The following ADAMTS10 variants were observed in gnomAD, a reference collection of about 807,000 sequenced individuals.
ADAMTS10 encodes the protein A disintegrin and metalloproteinase with thrombospondin motifs 10.
A neutral mutation model predicts 135.9 loss-of-function variants in ADAMTS10; 48 were observed. The observed-to-expected ratio is 0.35, with a 90% confidence interval of 0.28 to 0.45. The LOEUF (loss-of-function observed/expected upper bound fraction) is 0.45, where lower values mean the gene tolerates loss of function less well. Among genes scored for constraint, ADAMTS10 ranks in the 20% least tolerant of loss-of-function variants. ADAMTS10 has a pLI of 1.00. For missense variants in ADAMTS10, 1,131 were observed against 1,565.2 expected (o/e 0.72, Z 4.68); for synonymous variants, 621 against 647.5 (o/e 0.96, Z 0.62).
At chr19:8,591,505 G>C (rs1474103990) in intron 15 of ADAMTS10, among the ~76,000 whole-genome samples, 1 of 150,822 alleles carries the variant, frequency 6.6e-6, no homozygotes, top group African/African-American at 2.4e-5. Flanking sequence ...GCAGTGGTGC[G>C]ATCTCGGCTC....
In ADAMTS10 at chr19:8,605,026, T is replaced by C. The variant is rs934523427; in HGVS notation, c.421A>G (p.Thr141Ala). The change falls in exon 4 of 26, where the codon ACC becomes GCC. Residue 141 changes from threonine to alanine, a missense_variant. By Grantham distance (58) the Thr-to-Ala change is moderately conservative. Coordinates refer to ENST00000597188, the MANE Select transcript of ADAMTS10 (RefSeq NM_030957.4). The surrounding 1 kb of genome is among the most constrained non-coding windows in gnomAD (Gnocchi z 7.7). Reference sequence around the variant, plus strand: ...CCTCAGCTCACCAGGCCTCCACAGGTGCTGATGGCCACATGGGAGCTGCTG... The same window carrying C: ...CCTCAGCTCACCAGGCCTCCACAGGCGCTGATGGCCACATGGGAGCTGCTG... Reference protein sequence around the residue: ...QASSSHVAISTCGGLHGLIVA... With the variant: ...QASSSHVAISACGGLHGLIVA... The C allele has an allele frequency of 6.2e-7, 1 of 1,606,552 alleles. No individual in the cohort carries two copies. The highest frequency in any genetic ancestry group is 1.3e-5 in the African/African-American group (1 of 74,702).
rs782152991 is a variant in ADAMTS10, at chr19:8,604,966, C to T, written c.435+46G>A. 5.2e-6 allele frequency: 8 copies of T among 1,542,946 alleles called. No individual in the cohort carries two copies. In the Admixed American group the frequency reaches 7.8e-5, roughly 15 times the overall value. Reference sequence around the variant, plus strand: ...ATGTAGAAGTGTTTTTCTTAACTTCCAAACTTATGGGCATTTCCCCCCGCG... The same window carrying T: ...ATGTAGAAGTGTTTTTCTTAACTTCTAAACTTATGGGCATTTCCCCCCGCG... On this transcript the variant is annotated intron_variant, in intron 4 of 25. Transcript: ENST00000597188.
chr19:8,597,641 T>C (rs762334625), intron 6 of ADAMTS10, among the ~76,000 whole-genome samples: 1 of 150,656 alleles, frequency 6.6e-6, no homozygotes, highest in Non-Finnish European at 1.5e-5. Flanking sequence ...TTGTTACTAT[T>C]TGTTGTTGTT....
rs1027851957 is a variant in ADAMTS10, at chr19:8,584,829, C to T, written c.3202+66G>A. ...AGTTCTAGGATGAAGTCAGGACCCC[C>T]AATGCCCTCTGTGGCTGCCTCTGGC... On this transcript the variant is annotated intron_variant, in intron 25 of 25. Coordinates refer to ENST00000597188, the MANE Select transcript of ADAMTS10 (RefSeq NM_030957.4). The T allele has an allele frequency of 1.2e-5, 18 of 1,540,886 alleles. No individual in the cohort carries two copies. The African/African-American group carries it at 2.3e-4, about 20-fold the overall frequency.
rs1555736467 is a variant in ADAMTS10, at chr19:8,585,013, C to T, written c.3084G>A (p.Val1028=). Reference sequence around the variant, plus strand: ...CCTGGCCCGTGTGGCTGGTGCAGCGCACCGAGCGCTGCCGCTGCCCGACGC... The same window carrying T: ...CCTGGCCCGTGTGGCTGGTGCAGCGTACCGAGCGCTGCCGCTGCCCGACGC... ...QCGVGQRQRS[V]RCTSHTGQAS... is the part of the protein sequence containing the mutation. Residue 1028 remains valine (V), a synonymous_variant, in exon 25 of 26, where the codon GTG becomes GTA. Coordinates refer to ENST00000597188, the MANE Select transcript of ADAMTS10 (RefSeq NM_030957.4). 4.6e-6 allele frequency: 7 copies of T among 1,538,024 alleles called. No homozygotes were observed. Among genetic ancestry groups the T allele is most frequent in the African/African-American group, 1.4e-5 (1 of 72,834 alleles).
chr19:8,603,942 CCCTGGG>C, intron 4 of ADAMTS10, 58 bp from the exon 5 acceptor site: 1 of 1,511,430 alleles, frequency 6.6e-7, no homozygotes, highest in Non-Finnish European at 8.9e-7. Flanking sequence ...AGCTTAGGAC[CCCTGGG>C]ACCTTCTCTC....
At chr19:8,607,221 A>T (rs1348129229) in intron 2 of ADAMTS10, among the ~76,000 whole-genome samples, 1 of 152,152 alleles carries the variant, frequency 6.6e-6, no homozygotes, top group African/African-American at 2.4e-5. Context: ...TTCAAGCCAG[A>T]TTTTTAAAGC....
rs1555738079 is a variant in ADAMTS10 at position 8,589,248 on chromosome 19, C to T, written c.2152G>A (p.Gly718Arg). 1 of 1,612,728 alleles carries T rather than the reference C, an allele frequency of 6.2e-7. No homozygotes were observed. The highest frequency in any genetic ancestry group is 8.5e-7 in the Non-Finnish European group (1 of 1,179,980). Residue 718 changes from glycine (G) to arginine (R), a missense_variant, in exon 18 of 26, where the codon GGG (glycine) becomes AGG (arginine). This residue lies in a region of ADAMTS10 where 745 missense variants were observed against 1,056.3 expected (regional missense o/e 0.71). Coordinates refer to ENST00000597188, the MANE Select transcript of ADAMTS10 (RefSeq NM_030957.4). ...GGAAGCTGGAGACTCTCACCGGCCC[C>T]AGGTGAGGCTGGGCTGAAGACGCCC... ...IEGVFSPASPGAGYEDVVWIP... is the reference protein window; with the variant it reads ...IEGVFSPASPRAGYEDVVWIP...
intron 6 of ADAMTS10, among the ~76,000 whole-genome samples, chr19:8,600,500 C>CTTTTT (rs797035354): frequency 1.2e-4 from 15 of 129,826 alleles, no homozygotes; most frequent in Non-Finnish European, 2.3e-4. Context: ...TCTTTCTTTT[C>CTTTTT]TTTTTTTTTT....
chr19:8,581,828 CTG>C (rs1242995198), intron 25 of ADAMTS10, among the ~76,000 whole-genome samples: 1 of 149,070 alleles, frequency 6.7e-6, no homozygotes, highest in African/African-American at 2.5e-5. Flanking sequence ...GAGCGAGACT[CTG>C]TCACAAAACA....
intron 18 of ADAMTS10, among the ~76,000 whole-genome samples, chr19:8,587,669 C>T (rs957783850): frequency 3.9e-5 from 6 of 152,014 alleles, no homozygotes; most frequent in African/African-American, 9.6e-5. Context: ...ACAGTGGTCA[C>T]GCCTATAATC....
At chr19:8,590,856 A>G (rs1393945188) in intron 15 of ADAMTS10, among the ~76,000 whole-genome samples, 3 of 152,134 alleles carry the variant, frequency 2.0e-5, no homozygotes, top group African/African-American at 7.2e-5. Flanking sequence ...TCAGCCTCCC[A>G]AAGTGCTGGG....
chr19:8,585,544 C>G lies in ADAMTS10; in HGVS notation c.2777G>C (p.Ser926Thr). ...SAAEEKALDD[S>T]ACPQPRPPVL... Reference sequence around the variant, plus strand: ...AGGTGGGCGCGGCTGCGGGCATGCGCTGTCGTCCAGCGCCTTCTCCTCCGC... The same window carrying G: ...AGGTGGGCGCGGCTGCGGGCATGCGGTGTCGTCCAGCGCCTTCTCCTCCGC... The change falls in exon 23 of 26, where the codon AGC (serine) becomes ACC (threonine). Residue 926 changes from serine (S) to threonine (T), a missense_variant. Transcript: ENST00000597188. The G allele has an allele frequency of 6.3e-7, 1 of 1,583,642 alleles. No individual in the cohort carries two copies. The highest frequency in any genetic ancestry group is 8.6e-7 in the Non-Finnish European group (1 of 1,165,858).
chr19:8,596,178 G>A lies in ADAMTS10; in HGVS notation c.1232C>T (p.Ala411Val), dbSNP rs201369388. The stretch of plus-strand genomic sequence containing the variant: ...GAGCTTGGCTGGGTCCTGACCACGG[G>A]CCCCACAGCTGTTTCCCACGCCGTC... Reference protein sequence around the residue: ...NHDGVGNSCGARGQDPAKLMA... With the variant: ...NHDGVGNSCGVRGQDPAKLMA... The change falls in exon 11 of 26, where the codon GCC (alanine) becomes GTC (valine). Residue 411 changes from alanine to valine, a missense_variant. By Grantham distance (64) the Ala-to-Val change is moderately conservative. Around this residue, in one of 3 missense-constraint regions of ADAMTS10, gnomAD observed 745 missense variants for 1,056.3 expected, o/e 0.71. Transcript: ENST00000597188. This position sits in a 1 kb window ranked among gnomAD's most constrained non-coding sequence, Gnocchi z 7.2. The A allele has an allele frequency of 2.5e-6, 4 of 1,614,002 alleles. No homozygotes were observed. The highest frequency in any genetic ancestry group is 4.5e-5 in the East Asian group (2 of 44,884).
Position 8,595,869 on chromosome 19 carries a change from G to A in ADAMTS10, c.1372C>T (p.Pro458Ser). The A allele has an allele frequency of 6.2e-7, 1 of 1,614,190 alleles. No individual in the cohort carries two copies. The highest frequency in any genetic ancestry group is 8.5e-7 in the Non-Finnish European group (1 of 1,180,032). ...GTCGGGTACACAAAGTCCTGTCTGGGGGGCCGGTTGTTCAGGCAGAGCCCC... is the reference window on the plus strand; with the variant it reads ...GTCGGGTACACAAAGTCCTGTCTGGAGGGCCGGTTGTTCAGGCAGAGCCCC... ...GLGLCLNNRP[P>S]RQDFVYPTVA... is the part of the protein sequence containing the mutation. Residue 458 changes from proline to serine, a missense_variant, in exon 12 of 26, where the codon CCC becomes TCC. By Grantham distance (74) the Pro-to-Ser change is moderately conservative. Around this residue, in one of 3 missense-constraint regions of ADAMTS10, gnomAD observed 745 missense variants for 1,056.3 expected, o/e 0.71. Transcript: ENST00000597188.
At position 8,586,574 on chromosome 19, in the gene ADAMTS10, G is replaced by A; in HGVS notation, c.2387C>T (p.Ala796Val). ...CCCTGTTACCATGACGATGAGAGAT[G>A]CATTAATCGGTCCCAGGGCTTCGAG... ...QSLEALGPIN[A>V]SLIVMVLART... Residue 796 changes from alanine to valine, a missense_variant, in exon 20 of 26, where the codon GCA becomes GTA. By Grantham distance (64) the Ala-to-Val change is moderately conservative. This residue lies in a region of ADAMTS10 where 745 missense variants were observed against 1,056.3 expected (regional missense o/e 0.71). Coordinates refer to ENST00000597188, the MANE Select transcript of ADAMTS10 (RefSeq NM_030957.4). 1 of 1,613,814 alleles carries A rather than the reference G, an allele frequency of 6.2e-7. No homozygotes were observed. Among genetic ancestry groups the A allele is most frequent in the Non-Finnish European group, 8.5e-7 (1 of 1,179,996 alleles).
In ADAMTS10 at chr19:8,586,198, C is replaced by A. The variant is rs10418929; in HGVS notation, c.2584G>T (p.Ala862Ser). The change falls in exon 22 of 26, where the codon GCC becomes TCC. Residue 862 changes from alanine to serine, a missense_variant. Around this residue, in one of 3 missense-constraint regions of ADAMTS10, gnomAD observed 745 missense variants for 1,056.3 expected, o/e 0.71. Transcript: ENST00000597188. ...CRNQLDSSAVAPHYCSAHSKL... is the reference protein window; with the variant it reads ...CRNQLDSSAVSPHYCSAHSKL... ...CTGTGGGCACTGCAGTAGTGGGGGG[C>A]GACCGCGGAGCTGTCCAGCTGGTTG... 5.9e-3 allele frequency: 9,578 copies of A among 1,611,990 alleles called. 435 individuals carry two copies. The African/African-American group carries it at 0.1, about 17-fold the overall frequency.
At chr19:8,590,749 C>T (rs538035916) in intron 15 of ADAMTS10, among the ~76,000 whole-genome samples, 1 of 152,024 alleles carries the variant, frequency 6.6e-6, no homozygotes, top group East Asian at 1.9e-4. Context: ...CATGAGCCAC[C>T]TCATCCGGCC....
intron 19 of ADAMTS10, 42 bp downstream of exon 19, chr19:8,586,774 C>T (rs1555737365): frequency 1.9e-6 from 3 of 1,614,052 alleles, no homozygotes; most frequent in African/African-American, 1.3e-5. Context: ...CCGCCCTCCC[C>T]ACTGACCCCT....
Sources: gnomAD v4.1 joint callset for allele counts (sites outside exome capture counted in the v4.1 genomes callset) on GRCh38, gnomAD v4.1.1 for gene constraint, gnomAD v4.1.1 regional missense constraint, Gnocchi (gnomAD v3.1) non-coding constraint, MANE v1.5 for transcripts, NCBI Gene and HGNC (gene_info 2026-07-23, HGNC 2026-07-21) for gene names.